Variants in CADM2 observed in about 807,000 individuals in gnomAD.
The protein encoded by CADM2 is immunoglobulin superfamily member 4D.
A neutral mutation model predicts 49.8 loss-of-function variants in CADM2; 12 were observed. The ratio of observed to expected loss-of-function variants is 0.24; its 90% CI spans 0.15 to 0.39. The LOEUF (loss-of-function observed/expected upper bound fraction) is 0.39. CADM2 is among the 10% of genes least tolerant of loss of function. CADM2 has a pLI of 1.00. For synonymous variants in CADM2, 214 were observed against 175.4 expected, an observed-to-expected ratio of 1.22 and a Z score of -1.74; for missense variants, 378 against 492.3, an observed-to-expected ratio of 0.77 and a Z score of 2.20.
At position 85,937,623 on chromosome 3, in the gene CADM2, G is replaced by T. The variant is rs529200273; in HGVS notation, c.791+1766G>T. 2.0e-5 allele frequency among the ~76,000 whole-genome samples: 3 copies of T among 152,028 alleles called. No individual in the cohort carries two copies. In the South Asian group the frequency reaches 6.2e-4, roughly 32 times the overall value. Reference sequence around the variant, plus strand: ...AGTTACTTTTGAAAAACTAGAATAGGACTGACAATAATTTTCATCACTGAA... The same window carrying T: ...AGTTACTTTTGAAAAACTAGAATAGTACTGACAATAATTTTCATCACTGAA... On this transcript the variant is annotated intron_variant, in intron 7 of 9. Transcript: ENST00000383699.
intron 1 of CADM2, among the ~76,000 whole-genome samples, chr3:85,660,579 G>T (rs566742395): frequency 1.2e-4 from 18 of 152,036 alleles, no homozygotes; most frequent in East Asian, 9.7e-4. Context: ...GGAGGAATCA[G>T]ACTACTACAC....
Position 86,016,660 on chromosome 3 carries a change from A to G in CADM2, c.971-48945A>G, listed in dbSNP as rs568110379. ...GTGGAAAACTTAAGTTGACCCTTTC[A>G]TTGCCTCTGAAAGTAATTTCTATAA... On this transcript the variant is annotated intron_variant, in intron 8 of 9. Transcript: ENST00000383699. Among the ~76,000 whole-genome samples the G allele has an allele frequency of 2.0e-5, 3 of 152,214 alleles. No homozygotes were observed. In the South Asian group the frequency reaches 6.2e-4, roughly 32 times the overall value.
At chr3:85,828,144 A>G (rs2074010459) in intron 3 of CADM2, 3 of 151,994 alleles carry the variant, frequency 2.0e-5, no homozygotes, top group South Asian at 4.1e-4. Context: ...TTAGTAAACA[A>G]TTATTAGACC....
chr3:85,801,591 G>A (rs1248914126), intron 2 of CADM2, among the ~76,000 whole-genome samples: 2 of 152,004 alleles, frequency 1.3e-5, no homozygotes, highest in East Asian at 3.8e-4. Flanking sequence ...TAAAGTTTGA[G>A]TATCCATATT....
At chr3:85,365,199 C>CTTTTTTTT (rs397962829) in intron 1 of CADM2, among the ~76,000 whole-genome samples, 17 of 104,678 alleles carry the variant, frequency 1.6e-4, no homozygotes, top group South Asian at 3.5e-4. Flanking sequence ...TTTTTTTTTA[C>CTTTTTTTT]TTTTTTTTTT....
At chr3:85,147,023 A>C (rs531672309) in intron 1 of CADM2, among the ~76,000 whole-genome samples, 2 of 152,248 alleles carry the variant, frequency 1.3e-5, no homozygotes, top group South Asian at 4.2e-4. Context: ...CTGTAACCCC[A>C]GCACTTTGGG....
At chr3:85,257,968 T>C (rs2042927303) in intron 1 of CADM2, among the ~76,000 whole-genome samples, 1 of 152,146 alleles carries the variant, frequency 6.6e-6, no homozygotes, top group African/African-American at 2.4e-5. Context: ...TCTTAAAATA[T>C]GAGTGACTCC....
chr3:85,412,763 A>G (rs137951518), intron 1 of CADM2, among the ~76,000 whole-genome samples: 262 of 152,310 alleles, frequency 1.7e-3, no homozygotes, highest in African/African-American at 5.8e-3. Flanking sequence ...TTAAGGTAAC[A>G]TAGTACAGAA....
chr3:86,041,647 C>A, intron 8 of CADM2, among the ~76,000 whole-genome samples: 1 of 151,998 alleles, frequency 6.6e-6, no homozygotes, highest in East Asian at 1.9e-4. Flanking sequence ...ACTTTAACAC[C>A]CCACTGTCAA....
intron 1 of CADM2, among the ~76,000 whole-genome samples, chr3:85,675,345 A>G (rs1258238796): frequency 6.6e-6 from 1 of 151,872 alleles, no homozygotes; most frequent in African/African-American, 2.4e-5. Context: ...CAAATATTAA[A>G]CCTCTTTCAG....
intron 1 of CADM2, among the ~76,000 whole-genome samples, chr3:85,209,496 T>C (rs925787948): frequency 7.2e-5 from 11 of 152,180 alleles, no homozygotes; most frequent in Admixed American, 7.2e-4. Flanking sequence ...GTAAAGGTTA[T>C]TTCTCAAATT....
At chr3:85,853,097 T>C (rs1411717332) in intron 3 of CADM2, among the ~76,000 whole-genome samples, 4 of 151,364 alleles carry the variant, frequency 2.6e-5, no homozygotes, top group African/African-American at 9.8e-5. Flanking sequence ...TTAAACAATC[T>C]TTCTTAAAAA....
chr3:85,381,491 A>G (rs2033904243), intron 1 of CADM2, among the ~76,000 whole-genome samples: 1 of 147,850 alleles, frequency 6.8e-6, no homozygotes, highest in African/African-American at 2.5e-5. Context: ...TAAAGTGTAT[A>G]TATAAAGAAT....
At chr3:85,749,289 C>A (rs1211858202) in intron 2 of CADM2, among the ~76,000 whole-genome samples, 2 of 151,836 alleles carry the variant, frequency 1.3e-5, no homozygotes, top group African/African-American at 2.4e-5. Flanking sequence ...AGTGCAGATG[C>A]TTTTCTAAAC....
rs539434278 is a variant in CADM2, at chr3:85,984,274, T to C, written c.970+22627T>C. Among the ~76,000 whole-genome samples, 188 of 151,168 alleles carry C rather than the reference T, an allele frequency of 1.2e-3. No homozygotes were observed. In the Middle Eastern group the frequency reaches 0.014, roughly 12 times the overall value. The stretch of plus-strand genomic sequence containing the variant: ...CTTAATATAGTCATTTATAAAATAA[T>C]TCCAAGTGACTTTGATATGATTTCT... On this transcript the variant is annotated intron_variant, in intron 8 of 9. Transcript: ENST00000383699.
At chr3:85,324,983 C>G (rs1419024170) in intron 1 of CADM2, among the ~76,000 whole-genome samples, 1 of 152,152 alleles carries the variant, frequency 6.6e-6, no homozygotes, top group East Asian at 1.9e-4. Context: ...TGCACAGAAC[C>G]AGAGTCTACA....
chr3:85,151,127 C>T (rs975781219), intron 1 of CADM2, among the ~76,000 whole-genome samples: 11 of 151,982 alleles, frequency 7.2e-5, no homozygotes, highest in Admixed American at 5.2e-4. Flanking sequence ...AGAAATTCTA[C>T]GCCTGGCCTG....
intron 3 of CADM2, among the ~76,000 whole-genome samples, chr3:85,831,817 G>T (rs1295919079): frequency 2.0e-5 from 3 of 151,840 alleles, no homozygotes; most frequent in African/African-American, 7.3e-5. Context: ...CTTTCATTGT[G>T]CAGAAGCTCT....
At chr3:85,382,183 A>T (rs2033945351) in intron 1 of CADM2, among the ~76,000 whole-genome samples, 1 of 152,156 alleles carries the variant, frequency 6.6e-6, no homozygotes, top group Admixed American at 6.6e-5. Context: ...AAGAAAAGCA[A>T]AAAAACATAA....
Sources: allele counts gnomAD v4.1 joint callset (sites outside exome capture counted in the v4.1 genomes callset), GRCh38; gene constraint gnomAD v4.1.1; transcripts MANE v1.5; gene names NCBI Gene and HGNC (gene_info 2026-07-23, HGNC 2026-07-21).